Variants in KCNQ5 observed in about 807,000 individuals in gnomAD.
KCNQ5 encodes potassium voltage-gated channel subfamily KQT member 5.
In KCNQ5, 30 loss-of-function variants were observed where a neutral mutation model predicts 98.2. That is an observed-to-expected ratio of 0.31 (90% CI 0.23 to 0.41). The LOEUF (loss-of-function observed/expected upper bound fraction) is 0.41, where lower values mean the gene tolerates loss of function less well. KCNQ5 is among the 10% of genes least tolerant of loss of function. The pLI, the probability that KCNQ5 is intolerant of heterozygous loss-of-function variation, is 1.00. For missense variants in KCNQ5, 835 were observed against 1,182.5 expected (o/e 0.71, Z 4.31); for synonymous variants, 458 against 449.4 (o/e 1.02, Z -0.24).
intron 1 of KCNQ5, chr6:72,986,930 G>T: frequency 1.2e-6 from 1 of 858,602 alleles, no homozygotes; most frequent in Non-Finnish European, 1.9e-6. Flanking sequence ...GGAACAGGCA[G>T]CCTTGGGGCA....
At chr6:72,966,853 A>G (rs1767644045) in intron 1 of KCNQ5, among the ~76,000 whole-genome samples, 1 of 152,228 alleles carries the variant, frequency 6.6e-6, no homozygotes. Context: ...TATGGTTGCC[A>G]GGGACTACCA....
chr6:73,064,677 A>C (rs1482783530), intron 3 of KCNQ5, among the ~76,000 whole-genome samples: 1 of 152,208 alleles, frequency 6.6e-6, no homozygotes, highest in African/African-American at 2.4e-5. Flanking sequence ...GCTGTTCCTA[A>C]AAGCTGTCTC....
intron 2 of KCNQ5, among the ~76,000 whole-genome samples, chr6:73,016,053 T>A (rs1770325812): frequency 6.6e-6 from 1 of 152,100 alleles, no homozygotes; most frequent in African/African-American, 2.4e-5. Flanking sequence ...TCTGTTCTCA[T>A]GGAGCTAATG....
chr6:72,797,164 C>T (rs180998506), intron 1 of KCNQ5, among the ~76,000 whole-genome samples: 2 of 152,126 alleles, frequency 1.3e-5, no homozygotes, highest in Admixed American at 1.3e-4. Context: ...CCCGTTAGAA[C>T]AGCATATCAA....
At chr6:72,643,074 C>A (rs1765412342) in intron 1 of KCNQ5, among the ~76,000 whole-genome samples, 1 of 151,918 alleles carries the variant, frequency 6.6e-6, no homozygotes, top group African/African-American at 2.4e-5. Context: ...CACGTGGATG[C>A]AAAGAAGGGA....
intron 2 of KCNQ5, among the ~76,000 whole-genome samples, chr6:73,030,379 A>G (rs1321310843): frequency 6.6e-6 from 1 of 152,184 alleles, no homozygotes; most frequent in Non-Finnish European, 1.5e-5. Context: ...CTGAGTTTCA[A>G]TATCAAGTTC....
intron 1 of KCNQ5, among the ~76,000 whole-genome samples, chr6:72,769,057 A>G (rs1772726294): frequency 6.6e-6 from 1 of 151,918 alleles, no homozygotes; most frequent in South Asian, 2.1e-4. Context: ...CTCAAGTAGT[A>G]CTCTCCTTTC....
intron 1 of KCNQ5, among the ~76,000 whole-genome samples, chr6:72,745,124 T>G (rs1771316004): frequency 6.6e-6 from 1 of 152,230 alleles, no homozygotes. Flanking sequence ...GACTCAGCTC[T>G]TCTGTGTCTC....
chr6:72,912,315 A>G (rs532525610), intron 1 of KCNQ5, among the ~76,000 whole-genome samples: 45 of 152,342 alleles, frequency 3.0e-4, no homozygotes, highest in African/African-American at 6.3e-4. Flanking sequence ...CGTAGTAAGC[A>G]TCGATGGATT....
At chr6:72,655,201 C>T (rs1461023685) in intron 1 of KCNQ5, among the ~76,000 whole-genome samples, 1 of 151,208 alleles carries the variant, frequency 6.6e-6, no homozygotes, top group Non-Finnish European at 1.5e-5. Context: ...GAAAAATCCT[C>T]CACAATAAAT....
At chr6:72,883,039 G>C (rs536910264) in intron 1 of KCNQ5, among the ~76,000 whole-genome samples, 2 of 152,192 alleles carry the variant, frequency 1.3e-5, no homozygotes, top group Non-Finnish European at 1.5e-5. Context: ...TTAATCACAG[G>C]CCTAAGATCC....
chr6:72,623,036 G>T (rs1165469053), intron 1 of KCNQ5, among the ~76,000 whole-genome samples: 2 of 152,040 alleles, frequency 1.3e-5, no homozygotes, highest in Non-Finnish European at 2.9e-5. Context: ...AGAAGTGAGG[G>T]GGCATCGAGG....
intron 1 of KCNQ5, among the ~76,000 whole-genome samples, chr6:72,958,794 TGC>T (rs552771646): frequency 1.3e-5 from 2 of 152,196 alleles, no homozygotes; most frequent in Admixed American, 1.3e-4. Flanking sequence ...ATTTTCAAAG[TGC>T]AATACATTAT....
chr6:72,625,011 G>T (rs563034170), intron 1 of KCNQ5, among the ~76,000 whole-genome samples: 18 of 152,236 alleles, frequency 1.2e-4, no homozygotes, highest in African/African-American at 4.1e-4. Flanking sequence ...TGCCAGCTTG[G>T]GAATCCCCAA....
intron 11 of KCNQ5, among the ~76,000 whole-genome samples, chr6:73,178,502 G>A (rs1020754915): frequency 6.7e-6 from 1 of 150,254 alleles, no homozygotes; most frequent in East Asian, 2.0e-4. Flanking sequence ...GCAAGCATTA[G>A]GAGAACAAGT....
intron 1 of KCNQ5, among the ~76,000 whole-genome samples, chr6:72,903,482 C>T (rs569227199): frequency 6.6e-6 from 1 of 152,236 alleles, no homozygotes; most frequent in South Asian, 2.1e-4. Context: ...ATGAACTTTC[C>T]TATTACCACT....
At chr6:72,882,317 A>G (rs1199971598) in intron 1 of KCNQ5, among the ~76,000 whole-genome samples, 2 of 152,178 alleles carry the variant, frequency 1.3e-5, no homozygotes, top group Admixed American at 6.5e-5. Context: ...GTACAAAGAG[A>G]GCATCATGTT....
At chr6:73,163,829 G>A (rs1325036088) in intron 10 of KCNQ5, among the ~76,000 whole-genome samples, 4 of 142,678 alleles carry the variant, frequency 2.8e-5, no homozygotes, top group Admixed American at 2.2e-4. Context: ...CAGTAGGAAA[G>A]CACTCAGCAA....
At chr6:72,843,045 G>T (rs1331041815) in intron 1 of KCNQ5, among the ~76,000 whole-genome samples, 1 of 152,158 alleles carries the variant, frequency 6.6e-6, no homozygotes, top group Non-Finnish European at 1.5e-5. Context: ...TTTTAGTCAT[G>T]AAGTCTTTGC....
Sources: gnomAD v4.1 joint callset for allele counts (sites outside exome capture counted in the v4.1 genomes callset) on GRCh38, gnomAD v4.1.1 for gene constraint, MANE v1.5 for transcripts, NCBI Gene and HGNC (gene_info 2026-07-23, HGNC 2026-07-21) for gene names.